The following TMEM116 variants were observed in gnomAD, a reference collection of about 807,000 sequenced individuals.
TMEM116 encodes the protein transmembrane protein 116.
Under a neutral mutation model 44.3 loss-of-function variants are expected in TMEM116, and 38 were observed. The ratio of observed to expected loss-of-function variants is 0.86; its 90% confidence interval spans 0.66 to 1.12. TMEM116 has a LOEUF of 1.12. Ranked by LOEUF, TMEM116 falls within the 50% of genes most tolerant of loss-of-function variation. The pLI is 0.00. For missense variants in TMEM116, 354 were observed against 401.7 expected (o/e 0.88, Z 1.01); for synonymous variants, 132 against 144.8 (o/e 0.91, Z 0.64).
Position 111,931,826 on chromosome 12 carries a change from G to A in TMEM116, c.809C>T (p.Ala270Val). The change falls in exon 11 of 11, where the codon GCT becomes GTT. Residue 270 changes from alanine to valine, a missense_variant and splice_region_variant. Physicochemically the swap from Ala to Val is moderately conservative, Grantham distance 64. Transcript: ENST00000552374. Reference protein sequence around the residue: ...KLHMALYVLQALTATSQGLLN... With the variant: ...KLHMALYVLQVLTATSQGLLN... ...TAGACCCTGAGATGTTGCCGTTAGAGCCTGGAGGAGATGAAGGGGTGATGC... is the reference window on the plus strand; with the variant it reads ...TAGACCCTGAGATGTTGCCGTTAGAACCTGGAGGAGATGAAGGGGTGATGC... The A allele has an allele frequency of 6.6e-7, 1 of 1,505,038 alleles. No homozygotes were observed. The highest frequency in any genetic ancestry group is 8.8e-7 in the Non-Finnish European group (1 of 1,130,546). The allele number at this position is 1,505,038 out of a possible 1,614,324, so 93.2% of individuals were successfully genotyped here.
In TMEM116 at chr12:111,937,007, T is replaced by C. The variant is rs532304412; in HGVS notation, c.449+153A>G. On this transcript the variant is annotated intron_variant, in intron 7 of 10. Coordinates refer to ENST00000552374, the MANE Select transcript of TMEM116 (RefSeq NM_001193531.2). ...TCATTTTGTGTTACACTTTTACTTATATATTTTCAGCCTTTACTACATCTT... is the reference window on the plus strand; with the variant it reads ...TCATTTTGTGTTACACTTTTACTTACATATTTTCAGCCTTTACTACATCTT... 9.2e-5 allele frequency among the ~76,000 whole-genome samples: 14 copies of C among 152,384 alleles called. 1 individual carries two copies. In the South Asian group the frequency reaches 2.3e-3, roughly 25 times the overall value.
chr12:112,000,675 A>G, intron 3 of TMEM116: 1 of 493,604 alleles, frequency 2.0e-6, no homozygotes, highest in Admixed American at 2.1e-5. Flanking sequence ...TTATTCCAAT[A>G]ATGACCTAAA....
At chr12:111,938,713 T>C (rs1332228239) in intron 5 of TMEM116, among the ~76,000 whole-genome samples, 2 of 152,190 alleles carry the variant, frequency 1.3e-5, no homozygotes, top group African/African-American at 4.8e-5. Flanking sequence ...CCTTTGGATA[T>C]AAGACTGTTA....
At chr12:111,972,665 G>C (rs2075415937) in intron 4 of TMEM116, among the ~76,000 whole-genome samples, 1 of 152,018 alleles carries the variant, frequency 6.6e-6, no homozygotes, top group Non-Finnish European at 1.5e-5. Context: ...AATCACTTGA[G>C]ATCAGGAGTT....
intron 4 of TMEM116, among the ~76,000 whole-genome samples, chr12:111,980,682 A>G (rs1280990831): frequency 3.3e-5 from 5 of 152,244 alleles, no homozygotes; most frequent in African/African-American, 1.2e-4. Flanking sequence ...GGTAGGTACC[A>G]GGGAACTCTG....
chr12:111,948,685 T>G (rs756581309), intron 4 of TMEM116, among the ~76,000 whole-genome samples: 2 of 152,210 alleles, frequency 1.3e-5, no homozygotes, highest in Non-Finnish European at 2.9e-5. Context: ...TTTAAAAATT[T>G]AAAACAAATA....
In TMEM116 at chr12:111,942,211, T is replaced by C. The variant is rs143561918; in HGVS notation, c.315+1054A>G. ...TCTTGGCTTCCCAGAGTGCTAGGAT[T>C]ACAGGTGTGAGCCACCACGCCCGGC... On this transcript the variant is annotated intron_variant, in intron 5 of 10. Transcript: ENST00000552374. 9.8e-5 allele frequency among the ~76,000 whole-genome samples: 15 copies of C among 152,328 alleles called. 1 individual carries two copies. The East Asian group carries it at 2.9e-3, about 29-fold the overall frequency.
intron 3 of TMEM116, chr12:112,000,991 T>G: frequency 3.9e-6 from 1 of 253,632 alleles, no homozygotes; most frequent in South Asian, 4.0e-5. Context: ...GCCATGACCA[T>G]CCAAGCTCCC....
intron 4 of TMEM116, among the ~76,000 whole-genome samples, chr12:111,984,007 C>T (rs1014873049): frequency 6.6e-5 from 10 of 151,978 alleles, no homozygotes; most frequent in African/African-American, 9.7e-5. Flanking sequence ...TGGAATGCAA[C>T]GATGGTTCAA....
At chr12:111,932,159 A>T (rs1219322661) in intron 10 of TMEM116, among the ~76,000 whole-genome samples, 2 of 152,062 alleles carry the variant, frequency 1.3e-5, no homozygotes, top group African/African-American at 2.4e-5. Flanking sequence ...ATCTTCTTAA[A>T]TCCAATAAAG....
At chr12:111,938,659 TG>T (rs2072390697) in intron 5 of TMEM116, among the ~76,000 whole-genome samples, 1 of 152,220 alleles carries the variant, frequency 6.6e-6, no homozygotes, top group African/African-American at 2.4e-5. Flanking sequence ...CAGTAAAAAG[TG>T]TAATAGTCCA....
intron 1 of TMEM116, among the ~76,000 whole-genome samples, chr12:112,006,727 G>T (rs539284312): frequency 6.6e-6 from 1 of 151,990 alleles, no homozygotes; most frequent in Non-Finnish European, 1.5e-5. Flanking sequence ...AGCATTCAAA[G>T]AAGATTTGGA....
chr12:112,001,574 T>C (rs979223466), intron 3 of TMEM116, among the ~76,000 whole-genome samples: 1 of 152,216 alleles, frequency 6.6e-6, no homozygotes, highest in Non-Finnish European at 1.5e-5. Flanking sequence ...AACGTCCTAA[T>C]GTACAGGACT....
At chr12:111,942,351 C>A (rs2072904641) in intron 5 of TMEM116, among the ~76,000 whole-genome samples, 1 of 152,128 alleles carries the variant, frequency 6.6e-6, no homozygotes, top group Admixed American at 6.6e-5. Context: ...CGGCTCACTG[C>A]AAGCTCCGCC....
intron 4 of TMEM116, among the ~76,000 whole-genome samples, chr12:111,982,979 T>C (rs2076026584): frequency 6.6e-6 from 1 of 152,138 alleles, no homozygotes; most frequent in African/African-American, 2.4e-5. Flanking sequence ...AGGCAAAGAA[T>C]ACAGTCTTTA....
intron 4 of TMEM116, among the ~76,000 whole-genome samples, chr12:111,960,285 C>G (rs529348989): frequency 1.3e-5 from 2 of 151,650 alleles, no homozygotes; most frequent in Admixed American, 6.6e-5. Flanking sequence ...GTCAGGAGAT[C>G]GAGACCACCC....
intron 1 of TMEM116, chr12:112,005,716 G>C (rs912834562): frequency 3.0e-5 from 30 of 984,402 alleles, no homozygotes; most frequent in Non-Finnish European, 3.6e-5. Flanking sequence ...AATGTAGAGT[G>C]GGTAGAAAAA....
chr12:111,982,221 T>C (rs1329608535), intron 4 of TMEM116, among the ~76,000 whole-genome samples: 2 of 152,240 alleles, frequency 1.3e-5, no homozygotes, highest in Admixed American at 6.5e-5. Flanking sequence ...TGTGAGGTAA[T>C]GGATATGTTG....
At chr12:111,992,810 G>T (rs1393893043) in intron 3 of TMEM116, among the ~76,000 whole-genome samples, 3 of 152,126 alleles carry the variant, frequency 2.0e-5, no homozygotes, top group African/African-American at 7.2e-5. Flanking sequence ...GTCCTATGGA[G>T]AAAATTATAA....
Sources: allele counts gnomAD v4.1 joint callset (sites outside exome capture counted in the v4.1 genomes callset), GRCh38; gene constraint gnomAD v4.1.1; transcripts MANE v1.5; gene names NCBI Gene and HGNC (gene_info 2026-07-23, HGNC 2026-07-21).